The following DISP1 variants were observed in gnomAD, a reference collection of about 807,000 sequenced individuals.
DISP1 encodes dispatched RND transporter family member 1.
Under a neutral mutation model 37.3 loss-of-function variants are expected in DISP1, and 30 were observed. The ratio of observed to expected loss-of-function variants is 0.80; its 90% CI spans 0.60 to 1.09. The LOEUF (loss-of-function observed/expected upper bound fraction) is 1.09. DISP1 is among the 50% of genes least tolerant of loss of function. DISP1 has a pLI of 0.00. For missense variants in DISP1, 1,598 were observed against 1,879.5 expected, an observed-to-expected ratio of 0.85 and a Z score of 2.77; for synonymous variants, 634 against 690.2, an observed-to-expected ratio of 0.92 and a Z score of 1.28.
At chr1:222,827,915 G>A (rs1432086581) in intron 1 of DISP1, among the ~76,000 whole-genome samples, 1 of 152,120 alleles carries the variant, frequency 6.6e-6, no homozygotes, top group Admixed American at 6.5e-5. Flanking sequence ...TAATAGTTGT[G>A]ATACTCAAGC....
intron 1 of DISP1, among the ~76,000 whole-genome samples, chr1:222,907,957 TAAATA>T (rs1671996596): frequency 6.6e-6 from 1 of 151,996 alleles, no homozygotes; most frequent in African/African-American, 2.4e-5. Context: ...TCAAAATAAA[TAAATA>T]AAATAAAATA....
chr1:222,998,909 T>C (rs896410548), intron 8 of DISP1, among the ~76,000 whole-genome samples: 2 of 152,204 alleles, frequency 1.3e-5, no homozygotes, highest in African/African-American at 4.8e-5. Context: ...CCTTGCTTTT[T>C]CTTTTCTCCC....
At chr1:222,845,041 T>C (rs1667824319) in intron 1 of DISP1, among the ~76,000 whole-genome samples, 1 of 152,134 alleles carries the variant, frequency 6.6e-6, no homozygotes, top group Non-Finnish European at 1.5e-5. Flanking sequence ...AAATTGCTCA[T>C]TGTAGTTTAT....
Position 223,003,120 on chromosome 1 carries a change from T to C in DISP1, c.1723T>C (p.Phe575Leu), listed in dbSNP as rs749228383. ...ILVGIGADDA[F>L]VLCDVWNYTK... Reference sequence around the variant, plus strand: ...GGTTGGAATTGGAGCAGATGATGCTTTTGTCCTGTGTGATGTTTGGAACTA... The same window carrying C: ...GGTTGGAATTGGAGCAGATGATGCTCTTGTCCTGTGTGATGTTTGGAACTA... Residue 575 changes from phenylalanine to leucine, a missense_variant, in exon 9 of 9, where the codon TTT becomes CTT. Physicochemically the swap from Phe to Leu is conservative, Grantham distance 22. Coordinates refer to ENST00000675850, the MANE Select transcript of DISP1 (RefSeq NM_001377229.1). This position sits in a 1 kb window ranked among gnomAD's most constrained non-coding sequence, Gnocchi z 4.3. The C allele has an allele frequency of 6.2e-7, 1 of 1,614,196 alleles. No homozygotes were observed. The highest frequency in any genetic ancestry group is 1.1e-5 in the South Asian group (1 of 91,080).
At chr1:222,887,085 G>T (rs142114849) in intron 1 of DISP1, among the ~76,000 whole-genome samples, 2 of 152,146 alleles carry the variant, frequency 1.3e-5, no homozygotes, top group South Asian at 2.1e-4. Flanking sequence ...AAAGGATTTC[G>T]AATGGGGGAA....
In DISP1 at chr1:222,853,569, A is replaced by G. The variant is rs1668389070; in HGVS notation, c.-159+38491A>G. ...AACACTATTTGGCCGTAAAAAAACC[A>G]TGAAATCCTGTCATTCACAGCAACA... is the stretch of plus-strand genomic sequence containing the variant. On this transcript the variant is annotated intron_variant, in intron 1 of 8. Transcript: ENST00000675850. 2.6e-5 allele frequency among the ~76,000 whole-genome samples: 4 copies of G among 152,340 alleles called. No individual in the cohort carries two copies. In the South Asian group the frequency reaches 6.2e-4, roughly 24 times the overall value.
At chr1:222,959,183 G>A (rs1029875559) in intron 3 of DISP1, among the ~76,000 whole-genome samples, 1 of 152,134 alleles carries the variant, frequency 6.6e-6, no homozygotes, top group East Asian at 1.9e-4. Context: ...AACTTGATTT[G>A]TGAACTGAAC....
intron 2 of DISP1, among the ~76,000 whole-genome samples, chr1:222,936,653 C>A (rs375764830): frequency 0.038 from 1,273 of 33,462 alleles, 60 homozygotes; most frequent in East Asian, 0.31. Flanking sequence ...ATATATATAT[C>A]TCTCATATAT....
At chr1:222,901,450 A>G (rs1226379944) in intron 1 of DISP1, among the ~76,000 whole-genome samples, 2 of 152,162 alleles carry the variant, frequency 1.3e-5, no homozygotes, top group African/African-American at 4.8e-5. Context: ...GTGAAAAACA[A>G]AGATATTTGG....
At chr1:222,969,596 C>A (rs1363949690) in intron 3 of DISP1, among the ~76,000 whole-genome samples, 58 of 151,448 alleles carry the variant, frequency 3.8e-4, no homozygotes. Flanking sequence ...TAAGTAATGG[C>A]AAATATAATG....
intron 3 of DISP1, among the ~76,000 whole-genome samples, chr1:222,955,717 C>A (rs1369974315): frequency 6.6e-6 from 1 of 152,152 alleles, no homozygotes; most frequent in Non-Finnish European, 1.5e-5. Context: ...CAACTCTGAC[C>A]ACCTTCAGGA....
At chr1:222,901,776 C>A (rs112954609) in intron 1 of DISP1, among the ~76,000 whole-genome samples, 2 of 152,210 alleles carry the variant, frequency 1.3e-5, no homozygotes, top group Non-Finnish European at 2.9e-5. Flanking sequence ...ATCCACCTGC[C>A]TTGGCCTCCC....
At chr1:222,936,594 TATATATCTCTCATATATATGAG>T (rs1558339099) in intron 2 of DISP1, among the ~76,000 whole-genome samples, 2 of 18,808 alleles carry the variant, frequency 1.1e-4, no homozygotes, top group South Asian at 3.4e-3. Context: ...ATATGAGAGA[TATATATCTCTCATATATATGAG>T]ATATATATAT....
intron 1 of DISP1, among the ~76,000 whole-genome samples, chr1:222,835,806 G>A (rs1450523988): frequency 6.6e-6 from 1 of 152,048 alleles, no homozygotes; most frequent in Non-Finnish European, 1.5e-5. Flanking sequence ...ACAAAAATTA[G>A]CCAGGTGTGG....
intron 1 of DISP1, among the ~76,000 whole-genome samples, chr1:222,919,763 A>C (rs1572510391): frequency 6.6e-6 from 1 of 152,326 alleles, no homozygotes; most frequent in East Asian, 1.9e-4. Context: ...CATTAGTGAA[A>C]TATCTAACCC....
At chr1:222,874,475 T>C (rs1669828636) in intron 1 of DISP1, among the ~76,000 whole-genome samples, 1 of 152,204 alleles carries the variant, frequency 6.6e-6, no homozygotes, top group Non-Finnish European at 1.5e-5. Context: ...TTCTTTTTTC[T>C]CTAAACTTCT....
chr1:222,925,494 C>T (rs184285670), intron 1 of DISP1, among the ~76,000 whole-genome samples: 49 of 152,182 alleles, frequency 3.2e-4, no homozygotes, highest in Admixed American at 2.3e-3. Context: ...GGTATTACAG[C>T]ATTTGGCATA....
At position 223,004,083 on chromosome 1, in the gene DISP1, G is replaced by C. The variant is rs1276968609; in HGVS notation, c.2686G>C (p.Glu896Gln). The stretch of plus-strand genomic sequence containing the variant: ...ACTGTGCATCAAGAGAGCTATCATG[G>C]AGCTGGAAAGGAGTACAGGGTACCA... Reference protein sequence around the residue: ...FELCIKRAIMELERSTGYHLD... With the variant: ...FELCIKRAIMQLERSTGYHLD... The change falls in exon 9 of 9, where the codon GAG (glutamate) becomes CAG (glutamine). Residue 896 changes from glutamate (E) to glutamine (Q), a missense_variant. Transcript: ENST00000675850. The surrounding 1 kb of genome is among the most constrained non-coding windows in gnomAD (Gnocchi z 4.9). The C allele has an allele frequency of 6.2e-7, 1 of 1,614,172 alleles. No homozygotes were observed. Among genetic ancestry groups the C allele is most frequent in the Non-Finnish European group, 8.5e-7 (1 of 1,180,032 alleles).
rs141019202 is a variant in DISP1 at position 222,818,996 on chromosome 1, C to T, written c.-159+3918C>T. On this transcript the variant is annotated intron_variant, in intron 1 of 8. Transcript: ENST00000675850. ...CTGTGTCCCCACCCAAATCTCATGT[C>T]GAATTGTAATTCTCAGTGTTAGAGG... Among the ~76,000 whole-genome samples, 414 of 152,234 alleles carry T rather than the reference C, an allele frequency of 2.7e-3. 1 individual carries two copies. Among genetic ancestry groups the T allele is most frequent in the Non-Finnish European group, 4.6e-3 (310 of 67,994 alleles).
Sources: allele counts gnomAD v4.1 joint callset (sites outside exome capture counted in the v4.1 genomes callset), GRCh38; gene constraint gnomAD v4.1.1; non-coding constraint Gnocchi (gnomAD v3.1); transcripts MANE v1.5; gene names NCBI Gene and HGNC (gene_info 2026-07-23, HGNC 2026-07-21).